PTPRK: variants seen among roughly 807,000 people sequenced by gnomAD.
The protein encoded by PTPRK is protein tyrosine phosphatase receptor type K, also known as receptor-type tyrosine-protein phosphatase kappa.
PTPRK carries 75 observed loss-of-function variants against 178.0 expected under a neutral mutation model. The ratio of observed to expected loss-of-function variants is 0.42; its 90% CI spans 0.35 to 0.51. The LOEUF is 0.51. Ranked by LOEUF, PTPRK falls within the 20% of genes least tolerant of loss-of-function variation. The pLI, the probability that PTPRK is intolerant of heterozygous loss-of-function variation, is 0.02. For synonymous variants in PTPRK, 637 were observed against 620.6 expected (o/e 1.03, Z -0.39); for missense variants, 1,441 against 1,797.8 (o/e 0.80, Z 3.59).
chr6:128,146,394 TTGTGTGTGTGTTTATG>T lies in PTPRK; in HGVS notation c.1162+38022_1162+38037del, dbSNP rs1371720355. Among the ~76,000 whole-genome samples, 50 of 151,490 alleles carry T rather than the reference TTGTGTGTGTGTTTATG, an allele frequency of 3.3e-4. 1 individual carries two copies. The highest frequency in any genetic ancestry group is 1.3e-3 in the South Asian group (6 of 4,796). ...TTGGTATTGTATTTTACCATACTGT[TTGTGTGTGTGTTTATG>T]TGTGTGTGTGTTTATGTGTGTGTGT... On this transcript the variant is annotated intron_variant, in intron 7 of 29. Coordinates refer to ENST00000368226, the MANE Select transcript of PTPRK (RefSeq NM_002844.4).
chr6:128,453,840 T>A (rs889391476), intron 1 of PTPRK, among the ~76,000 whole-genome samples: 6 of 152,154 alleles, frequency 3.9e-5, no homozygotes, highest in African/African-American at 1.2e-4. Flanking sequence ...GGCACCAACT[T>A]AGTATGCTGA....
intron 1 of PTPRK, among the ~76,000 whole-genome samples, chr6:128,407,544 C>A (rs1425176404): frequency 1.5e-5 from 2 of 136,698 alleles, no homozygotes; most frequent in Non-Finnish European, 3.0e-5. Flanking sequence ...GAGGCTGAGG[C>A]GGGAAGATAT....
intron 3 of PTPRK, among the ~76,000 whole-genome samples, chr6:128,279,715 T>TA (rs1230812324): frequency 5.9e-5 from 9 of 152,178 alleles, no homozygotes; most frequent in African/African-American, 1.9e-4. Context: ...ATTAAAATAT[T>TA]ATCTATTTTA....
intron 1 of PTPRK, among the ~76,000 whole-genome samples, chr6:128,441,456 A>G (rs1361442805): frequency 1.3e-5 from 2 of 152,152 alleles, no homozygotes; most frequent in Admixed American, 6.6e-5. Flanking sequence ...TAATCAAAAA[A>G]AAAACAAAGA....
intron 21 of PTPRK, among the ~76,000 whole-genome samples, chr6:127,986,607 G>A (rs2114646384): frequency 6.6e-6 from 1 of 152,048 alleles, no homozygotes; most frequent in East Asian, 1.9e-4. Context: ...TGTAGACTGA[G>A]GTAGCACAGC....
Position 128,415,668 on chromosome 6 carries a change from T to C in PTPRK, c.101-17980A>G, listed in dbSNP as rs534261936. The stretch of plus-strand genomic sequence containing the variant: ...TCCAAGAGGCAGCAGATGAGCCTTG[T>C]TGAAGATAATGGCATGATAAACAAA... On this transcript the variant is annotated intron_variant, in intron 1 of 29. Coordinates refer to ENST00000368226, the MANE Select transcript of PTPRK (RefSeq NM_002844.4). Among the ~76,000 whole-genome samples the C allele has an allele frequency of 7.2e-5, 11 of 152,326 alleles. No individual in the cohort carries two copies. The South Asian group carries it at 1.0e-3, about 14-fold the overall frequency.
At chr6:128,281,988 G>GA (rs1243162032) in intron 3 of PTPRK, among the ~76,000 whole-genome samples, 3 of 150,902 alleles carry the variant, frequency 2.0e-5, no homozygotes, top group East Asian at 1.9e-4. Context: ...CTCATTGAGA[G>GA]AAAAAAAAAG....
In PTPRK at chr6:128,271,059, A is replaced by AT. The variant is rs557963847; in HGVS notation, c.496-28458dup. On this transcript the variant is annotated intron_variant, in intron 3 of 29. Transcript: ENST00000368226. ...TAACATCAAGAGTAGCCTTGAAGGT[A>AT]TTAAAAAAAAAGGATAGACAAAAGG... is the stretch of plus-strand genomic sequence containing the variant. 5.3e-5 allele frequency among the ~76,000 whole-genome samples: 8 copies of AT among 152,260 alleles called. No individual in the cohort carries two copies. The East Asian group carries it at 1.4e-3, about 26-fold the overall frequency.
chr6:128,309,578 C>T (rs567019763), intron 3 of PTPRK, among the ~76,000 whole-genome samples: 77 of 152,186 alleles, frequency 5.1e-4, no homozygotes, highest in African/African-American at 1.7e-3. Flanking sequence ...GAGTTACTGC[C>T]GTCAAAGTCT....
chr6:128,310,036 T>C (rs757303956), intron 3 of PTPRK, among the ~76,000 whole-genome samples: 3 of 152,200 alleles, frequency 2.0e-5, no homozygotes, highest in Non-Finnish European at 4.4e-5. Context: ...ATGAATAGCC[T>C]TTCTCTTATC....
At chr6:128,224,403 C>T (rs1242664389) in intron 5 of PTPRK, among the ~76,000 whole-genome samples, 3 of 152,132 alleles carry the variant, frequency 2.0e-5, no homozygotes, top group East Asian at 1.9e-4. Context: ...ATTCATTTGA[C>T]AAGTTTCATT....
At chr6:128,407,039 G>T (rs1841735461) in intron 1 of PTPRK, among the ~76,000 whole-genome samples, 1 of 152,138 alleles carries the variant, frequency 6.6e-6, no homozygotes, top group Non-Finnish European at 1.5e-5. Flanking sequence ...AAACTATTTG[G>T]ACTCCCTCCA....
intron 1 of PTPRK, among the ~76,000 whole-genome samples, chr6:128,426,281 A>T (rs1844129950): frequency 6.6e-6 from 1 of 152,156 alleles, no homozygotes; most frequent in African/African-American, 2.4e-5. Flanking sequence ...GGCCTAGTTC[A>T]AATATCAGTT....
intron 7 of PTPRK, among the ~76,000 whole-genome samples, chr6:128,156,386 T>C (rs1225453508): frequency 6.6e-6 from 1 of 151,908 alleles, no homozygotes; most frequent in Non-Finnish European, 1.5e-5. Flanking sequence ...CACAGTTGCA[T>C]AGGCTTAACA....
chr6:128,155,670 A>G (rs1797857271), intron 7 of PTPRK, among the ~76,000 whole-genome samples: 1 of 151,774 alleles, frequency 6.6e-6, no homozygotes, highest in Non-Finnish European at 1.5e-5. Context: ...TATGTGATTC[A>G]GTCCATTACA....
chr6:128,361,994 C>T (rs917144648), intron 2 of PTPRK, among the ~76,000 whole-genome samples: 3 of 152,060 alleles, frequency 2.0e-5, no homozygotes, highest in Admixed American at 6.6e-5. Flanking sequence ...ATTTATCTTT[C>T]GTATCTTAGA....
At chr6:128,456,128 G>C (rs1189254684) in intron 1 of PTPRK, among the ~76,000 whole-genome samples, 1 of 151,994 alleles carries the variant, frequency 6.6e-6, no homozygotes, top group Non-Finnish European at 1.5e-5. Context: ...TCAAGATCCA[G>C]CAGTGGAATG....
intron 1 of PTPRK, among the ~76,000 whole-genome samples, chr6:128,431,813 A>C (rs564269388): frequency 1.8e-4 from 28 of 152,352 alleles, no homozygotes; most frequent in South Asian, 6.2e-4. Context: ...TCCAAATGTA[A>C]AGCCAAGAGA....
intron 7 of PTPRK, among the ~76,000 whole-genome samples, chr6:128,122,590 C>T (rs1792658555): frequency 1.3e-5 from 2 of 152,118 alleles, no homozygotes; most frequent in Non-Finnish European, 2.9e-5. Context: ...GTTTGATACA[C>T]ATTTTATTAG....
Sources: gnomAD v4.1 joint callset for allele counts (sites outside exome capture counted in the v4.1 genomes callset) on GRCh38, gnomAD v4.1.1 for gene constraint, MANE v1.5 for transcripts, NCBI Gene and HGNC (gene_info 2026-07-23, HGNC 2026-07-21) for gene names.